Variants in AGAP1 observed in about 807,000 individuals in gnomAD.
The protein encoded by AGAP1 is ArfGAP with GTPase domain, ankyrin repeat and PH domain 1, also known as arf-GAP with GTPase, ANK repeat and PH domain-containing protein 1.
Under a neutral mutation model 105.3 loss-of-function variants are expected in AGAP1, and 29 were observed. The observed-to-expected ratio is 0.28, with a 90% CI of 0.21 to 0.38. AGAP1 has a LOEUF of 0.38. Ranked by LOEUF, AGAP1 falls within the 10% of genes least tolerant of loss-of-function variation. The probability of loss-of-function intolerance (pLI) is 1.00; values close to 1 mark genes in which losing one functional copy is unlikely to be tolerated. For synonymous variants in AGAP1, 509 were observed against 485.9 expected (o/e 1.05, Z -0.63); for missense variants, 998 against 1,165.1 (o/e 0.86, Z 2.09).
chr2:236,094,804 C>G (rs917540869), intron 16 of AGAP1, among the ~76,000 whole-genome samples: 2 of 151,562 alleles, frequency 1.3e-5, no homozygotes, highest in Non-Finnish European at 2.9e-5. Context: ...GAAAATTGAT[C>G]TGGGCAACAG....
chr2:235,988,869 C>G lies in AGAP1; in HGVS notation c.1645+20246C>G, dbSNP rs1489189391. On this transcript the variant is annotated intron_variant, in intron 13 of 17. Coordinates refer to ENST00000304032, the MANE Select transcript of AGAP1 (RefSeq NM_001037131.3). The surrounding 1 kb of genome is among the most constrained non-coding windows in gnomAD (Gnocchi z 4.7). ...CCTTGACTCTCATCACTCACATGGT[C>G]CCCCAGCAGGTAACTTGCTTCAGCG... Among the ~76,000 whole-genome samples, 1 of 152,090 alleles carries G rather than the reference C, an allele frequency of 6.6e-6. No homozygotes were observed. Among genetic ancestry groups the G allele is most frequent in the Non-Finnish European group, 1.5e-5 (1 of 68,012 alleles).
intron 13 of AGAP1, among the ~76,000 whole-genome samples, chr2:235,999,685 TCGTG>T (rs2056025326): frequency 5.9e-5 from 9 of 151,818 alleles, no homozygotes; most frequent in South Asian, 2.1e-4. Context: ...GTGGTGGTGG[TCGTG>T]GTGGTGATGA....
At position 235,960,897 on chromosome 2, in the gene AGAP1, C is replaced by T. The variant is rs1344758472; in HGVS notation, c.1484-7565C>T. On this transcript the variant is annotated intron_variant, in intron 12 of 17. Transcript: ENST00000304032. The surrounding 1 kb of genome is among the most constrained non-coding windows in gnomAD (Gnocchi z 4.9). ...ATAGGACAGTGGTTTGGCACAAAAGCGTGCTTGTGGCTGGTTTTAAAACTA... is the reference window on the plus strand; with the variant it reads ...ATAGGACAGTGGTTTGGCACAAAAGTGTGCTTGTGGCTGGTTTTAAAACTA... 2.0e-5 allele frequency among the ~76,000 whole-genome samples: 3 copies of T among 152,188 alleles called. No individual in the cohort carries two copies. Among genetic ancestry groups the T allele is most frequent in the Non-Finnish European group, 1.5e-5 (1 of 68,036 alleles).
chr2:235,590,664 A>AGT (rs1945295360), intron 1 of AGAP1, among the ~76,000 whole-genome samples: 1 of 63,036 alleles, frequency 1.6e-5, no homozygotes, highest in African/African-American at 9.0e-5. Flanking sequence ...GTTTTGTTTT[A>AGT]ATGTGTGTGT....
Position 235,622,617 on chromosome 2 carries a change from T to C in AGAP1, c.164-86562T>C, listed in dbSNP as rs7571440. Among the ~76,000 whole-genome samples the C allele has an allele frequency of 0.037, 5,676 of 152,144 alleles. 349 individuals are homozygous for C. The highest frequency in any genetic ancestry group is 0.13 in the African/African-American group (5,232 of 41,482). ...TTGACGCTTCAGCCAACGTCGGTTT[T>C]GAGAATGCGACCTATGAAATTGGGA... On this transcript the variant is annotated intron_variant, in intron 1 of 17. Transcript: ENST00000304032. The surrounding 1 kb of genome is among the most constrained non-coding windows in gnomAD (Gnocchi z 5.0).
In AGAP1 at chr2:235,806,262, A is replaced by AT. The variant is rs200454124; in HGVS notation, c.958-973dup. On this transcript the variant is annotated intron_variant, in intron 8 of 17. Transcript: ENST00000304032. ...GAAAAGCACGTGAAAATGTTTCTCC[A>AT]TTTTCAATATTGTGTGAGTAATGTT... Among the ~76,000 whole-genome samples, 432 of 152,264 alleles carry AT rather than the reference A, an allele frequency of 2.8e-3. 2 individuals are homozygous for AT. The highest frequency in any genetic ancestry group is 0.02 in the East Asian group (103 of 5,188).
rs1024318038 is a variant in AGAP1 at position 236,113,565 on chromosome 2, T to A, written c.2115-6627T>A. Among the ~76,000 whole-genome samples the A allele has an allele frequency of 3.3e-5, 5 of 152,210 alleles. No individual in the cohort carries two copies. The highest frequency in any genetic ancestry group is 2.6e-4 in the Admixed American group (4 of 15,278). On this transcript the variant is annotated intron_variant, in intron 16 of 17. Coordinates refer to ENST00000304032, the MANE Select transcript of AGAP1 (RefSeq NM_001037131.3). The surrounding 1 kb of genome is among the most constrained non-coding windows in gnomAD (Gnocchi z 4.3). ...TACATGGAGATTACACCTTGCCAGCTGAGTCATGCAGTGGATTTGGCATGG... is the reference window on the plus strand; with the variant it reads ...TACATGGAGATTACACCTTGCCAGCAGAGTCATGCAGTGGATTTGGCATGG...
In AGAP1 at chr2:235,747,688, G is replaced by A. The variant is rs900766085; in HGVS notation, c.539-2666G>A. ...CGTGGGCTCTGAGGGTCCCTGCCGC[G>A]ACGCTTGCTTCCTGCGTGCAGACTT... On this transcript the variant is annotated intron_variant, in intron 5 of 17. Transcript: ENST00000304032. This position sits in a 1 kb window ranked among gnomAD's most constrained non-coding sequence, Gnocchi z 5.0. 9.2e-5 allele frequency among the ~76,000 whole-genome samples: 14 copies of A among 152,200 alleles called. No individual in the cohort carries two copies. Among genetic ancestry groups the A allele is most frequent in the South Asian group, 4.1e-4 (2 of 4,830 alleles).
chr2:235,566,392 C>G lies in AGAP1; in HGVS notation c.163+71543C>G. On this transcript the variant is annotated intron_variant, in intron 1 of 17. Transcript: ENST00000304032. This position sits in a 1 kb window ranked among gnomAD's most constrained non-coding sequence, Gnocchi z 5.2. Reference sequence around the variant, plus strand: ...CCTTGTATTATTTTTCAATGCATTGCAAAGTCAACGGCAGACTGAAGGACT... The same window carrying G: ...CCTTGTATTATTTTTCAATGCATTGGAAAGTCAACGGCAGACTGAAGGACT... 6.6e-6 allele frequency among the ~76,000 whole-genome samples: 1 copy of G among 152,176 alleles called. No individual in the cohort carries two copies. The highest frequency in any genetic ancestry group is 1.9e-4 in the East Asian group (1 of 5,188).
rs60112448 is a variant in AGAP1, at chr2:235,833,957, T to TAAAA, written c.1050+26636_1050+26639dup. 1.5e-4 allele frequency among the ~76,000 whole-genome samples: 20 copies of TAAAA among 137,832 alleles called. No individual in the cohort carries two copies. In the East Asian group the frequency reaches 1.5e-3, roughly 10 times the overall value. The allele number at this position is 137,832 out of a possible 152,430, so 90.4% of individuals were successfully genotyped here. ...TTTTGTAAAACTCACATTTTTTTTG[T>TAAAA]AAAAAAAAAAAAAGCCAGTAGCAGC... On this transcript the variant is annotated intron_variant, in intron 9 of 17. Transcript: ENST00000304032.
intron 1 of AGAP1, among the ~76,000 whole-genome samples, chr2:235,676,411 TGAG>T (rs1357897337): frequency 5.9e-5 from 9 of 152,200 alleles, no homozygotes; most frequent in African/African-American, 2.2e-4. Context: ...GTGGAACTAA[TGAG>T]AGAACTAGAA....
rs956083224 is a variant in AGAP1, at chr2:235,964,849, G to A, written c.1484-3613G>A. 1.3e-5 allele frequency among the ~76,000 whole-genome samples: 2 copies of A among 152,190 alleles called. No homozygotes were observed. The highest frequency in any genetic ancestry group is 4.8e-5 in the African/African-American group (2 of 41,444). The stretch of plus-strand genomic sequence containing the variant: ...GAGCTGGCCGCACAGTCTAGGCTTG[G>A]GGGTAAGGTAAGAACTGGACCAGGG... On this transcript the variant is annotated intron_variant, in intron 12 of 17. Transcript: ENST00000304032. The surrounding 1 kb of genome is among the most constrained non-coding windows in gnomAD (Gnocchi z 4.6).
intron 6 of AGAP1, among the ~76,000 whole-genome samples, chr2:235,794,114 A>G (rs1957128358): frequency 6.6e-6 from 1 of 152,082 alleles, no homozygotes; most frequent in Non-Finnish European, 1.5e-5. Flanking sequence ...GATGGGCACA[A>G]TTCTCCCTTC....
In AGAP1 at chr2:235,664,229, G is replaced by A. The variant is rs1398625242; in HGVS notation, c.164-44950G>A. Among the ~76,000 whole-genome samples the A allele has an allele frequency of 6.7e-6, 1 of 149,986 alleles. No homozygotes were observed. The highest frequency in any genetic ancestry group is 1.5e-5 in the Non-Finnish European group (1 of 67,650). ...AGTTTGTTTTTTTGTTTTTTTTTTCGAGACGGAGTTTCACTATTGTTGCCC... is the reference window on the plus strand; with the variant it reads ...AGTTTGTTTTTTTGTTTTTTTTTTCAAGACGGAGTTTCACTATTGTTGCCC... On this transcript the variant is annotated intron_variant, in intron 1 of 17. Coordinates refer to ENST00000304032, the MANE Select transcript of AGAP1 (RefSeq NM_001037131.3). This position sits in a 1 kb window ranked among gnomAD's most constrained non-coding sequence, Gnocchi z 5.7.
At chr2:235,776,408 CTT>C (rs1187032976) in intron 6 of AGAP1, among the ~76,000 whole-genome samples, 2 of 152,226 alleles carry the variant, frequency 1.3e-5, no homozygotes, top group Non-Finnish European at 2.9e-5. Context: ...CACACTGAAT[CTT>C]TGCTGTGCTG....
chr2:235,720,860 G>C lies in AGAP1; in HGVS notation c.310+3216G>C. 1 of 280,956 alleles carries C rather than the reference G, an allele frequency of 3.6e-6. No individual in the cohort carries two copies. The highest frequency in any genetic ancestry group is 5.4e-6 in the Non-Finnish European group (1 of 186,116). 17.4% of individuals were successfully genotyped at this position (280,956 alleles called of 1,614,324 possible). On this transcript the variant is annotated intron_variant, in intron 3 of 17. Transcript: ENST00000304032. The surrounding 1 kb of genome is among the most constrained non-coding windows in gnomAD (Gnocchi z 5.0). The stretch of plus-strand genomic sequence containing the variant: ...GGTGCAGAGCCGTCTCCAGATCCAA[G>C]CCTGCTTTTCCTCAGATACATCAGA...
rs1941223996 is a variant in AGAP1, at chr2:235,494,614, G to C, written c.-73G>C. The stretch of plus-strand genomic sequence containing the variant: ...CCGGGGGCTGCGGCGCCCCGGGCTC[G>C]GCGGCCCGCGGGCCCCGGGGCGCGG... On this transcript the variant is annotated 5_prime_UTR_variant, in exon 1 of 18. Coordinates refer to ENST00000304032, the MANE Select transcript of AGAP1 (RefSeq NM_001037131.3). 2.4e-6 allele frequency: 2 copies of C among 848,610 alleles called. No individual in the cohort carries two copies. Among genetic ancestry groups the C allele is most frequent in the East Asian group, 1.3e-4 (1 of 7,576 alleles). The allele number at this position is 848,610 out of a possible 1,614,324, so 52.6% of individuals were successfully genotyped here. A position where few individuals can be genotyped will look rare whatever the true frequency, so the allele number is the denominator to read the frequency against.
rs868738944 is a variant in AGAP1 at position 235,968,746 on chromosome 2, G to A, written c.1645+123G>A. On this transcript the variant is annotated intron_variant, in intron 13 of 17. Transcript: ENST00000304032. ...TGCACAGTAATGCTGGTCACCGTAT[G>A]TGCTTTCTGTTTGCAAGGTGGCACG... 267 of 1,040,718 alleles carry A rather than the reference G, an allele frequency of 2.6e-4. 1 individual carries two copies. In the Middle Eastern group the frequency reaches 4.7e-3, roughly 18 times the overall value. The allele number at this position is 1,040,718 out of a possible 1,614,324, so 64.5% of individuals were successfully genotyped here. A position where few individuals can be genotyped will look rare whatever the true frequency, so the allele number is the denominator to read the frequency against.
Position 235,740,243 on chromosome 2 carries a change from G to A in AGAP1, c.311-720G>A, listed in dbSNP as rs575051115. Among the ~76,000 whole-genome samples the A allele has an allele frequency of 3.3e-5, 5 of 152,064 alleles. No homozygotes were observed. In the South Asian group the frequency reaches 6.2e-4, roughly 19 times the overall value. ...TCCTGAGAGCATCAGGGGCCGGGAC[G>A]TCCAAGGTAGCACCAGGCCCCTCAT... On this transcript the variant is annotated intron_variant, in intron 3 of 17. Coordinates refer to ENST00000304032, the MANE Select transcript of AGAP1 (RefSeq NM_001037131.3). The surrounding 1 kb of genome is among the most constrained non-coding windows in gnomAD (Gnocchi z 5.7).
Sources: allele counts gnomAD v4.1 joint callset (sites outside exome capture counted in the v4.1 genomes callset), GRCh38; gene constraint gnomAD v4.1.1; non-coding constraint Gnocchi (gnomAD v3.1); transcripts MANE v1.5; gene names NCBI Gene and HGNC (gene_info 2026-07-23, HGNC 2026-07-21).